The following WNT7A variants were observed in gnomAD, a reference collection of about 807,000 sequenced individuals.
WNT7A encodes protein Wnt-7a.
WNT7A carries 16 observed loss-of-function variants against 28.2 expected under a neutral mutation model. That is an observed-to-expected ratio of 0.57 (90% CI 0.38 to 0.86). The LOEUF (loss-of-function observed/expected upper bound fraction) is 0.86, where lower values mean the gene tolerates loss of function less well. Ranked by LOEUF, WNT7A falls within the 40% of genes least tolerant of loss-of-function variation. WNT7A has a pLI of 0.00. For synonymous variants in WNT7A, 190 were observed against 195.9 expected, an observed-to-expected ratio of 0.97 and a Z score of 0.25; for missense variants, 411 against 489.7, an observed-to-expected ratio of 0.84 and a Z score of 1.52.
chr3:13,834,066 C>T (rs1559296998), intron 3 of WNT7A, among the ~76,000 whole-genome samples: 1 of 152,230 alleles, frequency 6.6e-6, no homozygotes, highest in East Asian at 1.9e-4. Flanking sequence ...AAAGCGCAAA[C>T]TTGCTCCCGT....
intron 2 of WNT7A, among the ~76,000 whole-genome samples, chr3:13,857,098 C>T (rs1025754755): frequency 6.6e-6 from 1 of 152,082 alleles, no homozygotes; most frequent in Non-Finnish European, 1.5e-5. Context: ...GGAACAGGCT[C>T]GATTTCTGGT....
At chr3:13,865,642 C>T (rs925119607) in intron 2 of WNT7A, among the ~76,000 whole-genome samples, 2 of 152,174 alleles carry the variant, frequency 1.3e-5, no homozygotes, top group South Asian at 4.1e-4. Context: ...GCATGAGGTG[C>T]TCCCCAGACC....
At position 13,854,770 on chromosome 3, in the gene WNT7A, A is replaced by G. The variant is rs777340852; in HGVS notation, c.332T>C (p.Ile111Thr). The G allele has an allele frequency of 6.8e-6, 11 of 1,613,572 alleles. No individual in the cohort carries two copies. The highest frequency in any genetic ancestry group is 1.1e-5 in the South Asian group (1 of 91,088). The change falls in exon 3 of 4, where the codon ATT becomes ACT. Residue 111 changes from isoleucine (I) to threonine (T), a missense_variant. Transcript: ENST00000285018. ...SREAAFTYAIIAAGVAHAITA... is the reference protein window; with the variant it reads ...SREAAFTYAITAAGVAHAITA... ...GATGGCGTGGGCCACGCCGGCGGCA[A>G]TGATGGCGTAGGTGAACGCAGCCTC...
intron 3 of WNT7A, among the ~76,000 whole-genome samples, chr3:13,832,851 G>A (rs970678682): frequency 2.0e-5 from 3 of 152,104 alleles, no homozygotes; most frequent in Admixed American, 1.3e-4. Context: ...AAGCCAGAGA[G>A]AGGTTTTCTG....
At chr3:13,877,585 G>C (rs940970668) in intron 1 of WNT7A, among the ~76,000 whole-genome samples, 2 of 152,182 alleles carry the variant, frequency 1.3e-5, no homozygotes, top group African/African-American at 4.8e-5. Flanking sequence ...GTCTGGCCTA[G>C]GTTCTCATCC....
At chr3:13,819,786 C>T (rs1694081692) in intron 3 of WNT7A, among the ~76,000 whole-genome samples, 1 of 152,102 alleles carries the variant, frequency 6.6e-6, no homozygotes, top group Admixed American at 6.5e-5. Flanking sequence ...AGTTGGACAC[C>T]AAAGAGGACA....
chr3:13,838,883 C>G (rs1209859566), intron 3 of WNT7A, among the ~76,000 whole-genome samples: 1 of 152,230 alleles, frequency 6.6e-6, no homozygotes, highest in East Asian at 1.9e-4. Context: ...GGTGCTTGAA[C>G]TGTGGCTAGT....
chr3:13,863,471 G>A (rs554522732), intron 2 of WNT7A, among the ~76,000 whole-genome samples: 71 of 152,158 alleles, frequency 4.7e-4, no homozygotes, highest in African/African-American at 1.3e-3. Flanking sequence ...TGTTGCATGC[G>A]CACGCACGCC....
chr3:13,859,503 G>T (rs1260477833), intron 2 of WNT7A, among the ~76,000 whole-genome samples: 2 of 152,192 alleles, frequency 1.3e-5, no homozygotes, highest in Non-Finnish European at 2.9e-5. Flanking sequence ...GTGCCACTGG[G>T]TGGTACAGAG....
At chr3:13,828,827 C>T (rs1395655077) in intron 3 of WNT7A, among the ~76,000 whole-genome samples, 6 of 152,154 alleles carry the variant, frequency 3.9e-5, no homozygotes, top group South Asian at 4.2e-4. Context: ...TCAGTCTCCA[C>T]GAAAGTATGA....
At chr3:13,858,351 G>T (rs991718495) in intron 2 of WNT7A, among the ~76,000 whole-genome samples, 7 of 152,252 alleles carry the variant, frequency 4.6e-5, no homozygotes, top group African/African-American at 1.7e-4. Context: ...AGGAGGCAGA[G>T]GAGGGGGCTG....
intron 3 of WNT7A, among the ~76,000 whole-genome samples, chr3:13,831,231 T>C (rs900719469): frequency 2.6e-5 from 4 of 152,172 alleles, no homozygotes; most frequent in Non-Finnish European, 5.9e-5. Flanking sequence ...GCAGGATCCA[T>C]GCCCACCTCT....
At chr3:13,821,292 T>C (rs1462730902) in intron 3 of WNT7A, among the ~76,000 whole-genome samples, 3 of 152,194 alleles carry the variant, frequency 2.0e-5, no homozygotes, top group African/African-American at 7.2e-5. Flanking sequence ...GGCAAGCATA[T>C]GGAGCACCTG....
chr3:13,864,159 T>C (rs761627771), intron 2 of WNT7A, among the ~76,000 whole-genome samples: 5 of 152,162 alleles, frequency 3.3e-5, no homozygotes, highest in Non-Finnish European at 7.4e-5. Flanking sequence ...CACCATTTCT[T>C]TGCCGATGAT....
chr3:13,856,920 GA>G (rs1559303264), intron 2 of WNT7A, among the ~76,000 whole-genome samples: 1 of 94,800 alleles, frequency 1.1e-5, no homozygotes, highest in Non-Finnish European at 2.0e-5. Flanking sequence ...AGAAGAAGAA[GA>G]AGAAGAAGAA....
intron 2 of WNT7A, among the ~76,000 whole-genome samples, chr3:13,872,327 G>A (rs530536292): frequency 1.3e-5 from 2 of 152,220 alleles, no homozygotes; most frequent in South Asian, 2.1e-4. Flanking sequence ...GCAAGTCAAT[G>A]CATAATATAT....
At chr3:13,868,724 G>GAAAGAAAGAAAGAAAGA (rs1559307155) in intron 2 of WNT7A, among the ~76,000 whole-genome samples, 7 of 133,570 alleles carry the variant, frequency 5.2e-5, no homozygotes, top group African/African-American at 2.0e-4. Context: ...AAGAAAGAAA[G>GAAAGAAAGAAAGAAAGA]AAAGAAAGAA....
intron 3 of WNT7A, among the ~76,000 whole-genome samples, chr3:13,839,848 G>A (rs907574699): frequency 6.6e-6 from 1 of 152,198 alleles, no homozygotes; most frequent in Non-Finnish European, 1.5e-5. Flanking sequence ...CATTGAGAGC[G>A]TGGATCTGTA....
chr3:13,836,675 G>C (rs116552725), intron 3 of WNT7A, among the ~76,000 whole-genome samples: 1 of 152,194 alleles, frequency 6.6e-6, no homozygotes, highest in African/African-American at 2.4e-5. Flanking sequence ...GATAGTCAGG[G>C]AGACAACCAG....
Sources: gnomAD v4.1 joint callset for allele counts (sites outside exome capture counted in the v4.1 genomes callset) on GRCh38, gnomAD v4.1.1 for gene constraint, MANE v1.5 for transcripts, NCBI Gene and HGNC (gene_info 2026-07-23, HGNC 2026-07-21) for gene names.